Variants in ATP2B2 observed in about 807,000 individuals in gnomAD.
ATP2B2 encodes the protein ATPase plasma membrane Ca2+ transporting 2, also known as plasma membrane calcium-transporting ATPase 2.
Under a neutral mutation model 120.0 loss-of-function variants are expected in ATP2B2, and 15 were observed. The observed-to-expected ratio is 0.12, with a 90% CI of 0.08 to 0.19. ATP2B2 has a LOEUF of 0.19. ATP2B2 is among the 10% of genes least tolerant of loss of function. The pLI is 1.00. For synonymous variants in ATP2B2, 694 were observed against 700.3 expected (o/e 0.99, Z 0.14); for missense variants, 1,045 against 1,719.8 (o/e 0.61, Z 6.94).
At chr3:10,572,549 G>T (rs764158695) in intron 2 of ATP2B2, among the ~76,000 whole-genome samples, 1 of 152,206 alleles carries the variant, frequency 6.6e-6, no homozygotes, top group Non-Finnish European at 1.5e-5. Flanking sequence ...ATACCACATA[G>T]TGCCTGGCAC....
intron 12 of ATP2B2, among the ~76,000 whole-genome samples, chr3:10,368,500 T>C (rs2061131535): frequency 6.6e-6 from 1 of 152,082 alleles, no homozygotes; most frequent in African/African-American, 2.4e-5. Context: ...CACCATTCCA[T>C]TCCATCAAGC....
At chr3:10,502,619 G>A (rs1338152453) in intron 1 of ATP2B2, among the ~76,000 whole-genome samples, 1 of 152,228 alleles carries the variant, frequency 6.6e-6, no homozygotes, top group African/African-American at 2.4e-5. Context: ...GGCCTCAGAA[G>A]GCATCTGTCT....
At chr3:10,336,323 A>G in intron 22 of ATP2B2, 1 of 1,548,382 alleles carries the variant, frequency 6.5e-7, no homozygotes, top group Non-Finnish European at 8.7e-7. Context: ...AGAGAACGAG[A>G]CAAGTTGCGA....
At position 10,481,271 on chromosome 3, in the gene ATP2B2, C is replaced by G. The variant is rs80179849; in HGVS notation, c.-320+24194G>C. ...TATATCACTTGCTTCTAAAGGTAGT[C>G]CCAATGAATCCAACTGGCTGATCCT... On this transcript the variant is annotated intron_variant, in intron 1 of 22. Transcript: ENST00000360273. 1.3e-3 allele frequency among the ~76,000 whole-genome samples: 197 copies of G among 152,302 alleles called. 1 individual carries two copies. The South Asian group carries it at 0.028, about 21-fold the overall frequency.
intron 6 of ATP2B2, among the ~76,000 whole-genome samples, chr3:10,387,238 G>T (rs913469216): frequency 1.3e-5 from 2 of 152,178 alleles, no homozygotes; most frequent in Admixed American, 1.3e-4. Flanking sequence ...CCAGAACACA[G>T]CTCAGCCCCA....
intron 1 of ATP2B2, among the ~76,000 whole-genome samples, chr3:10,656,980 G>A (rs764503241): frequency 8.5e-5 from 13 of 152,218 alleles, no homozygotes; most frequent in South Asian, 2.1e-4. Context: ...TGAGGCCAGC[G>A]GCTGGCTGGA....
intron 12 of ATP2B2, among the ~76,000 whole-genome samples, chr3:10,365,181 C>G (rs1328737492): frequency 6.6e-6 from 1 of 152,238 alleles, no homozygotes; most frequent in Non-Finnish European, 1.5e-5. Flanking sequence ...CTCCCAGAAG[C>G]CTGCCTCTCT....
intron 21 of ATP2B2, chr3:10,338,793 A>T (rs958573405): frequency 3.6e-6 from 1 of 278,318 alleles, no homozygotes; most frequent in Non-Finnish European, 7.0e-6. Context: ...GGCACGGTGG[A>T]GGGTCTAACT....
chr3:10,358,859 C>T lies in ATP2B2; in HGVS notation c.1968G>A (p.Met656Ile), dbSNP rs2060814546. The change falls in exon 14 of 23, where the codon ATG (methionine) becomes ATA (isoleucine). Residue 656 changes from methionine (M) to isoleucine (I), a missense_variant. This residue lies in a region of ATP2B2 where 343 missense variants were observed against 536.8 expected (regional missense o/e 0.64). Coordinates refer to ENST00000360273, the MANE Select transcript of ATP2B2 (RefSeq NM_001001331.4). ...RVFRPRDRDE[M>I]VKKVIEPMAC... The stretch of plus-strand genomic sequence containing the variant: ...CCATGGGCTCAATCACCTTCTTTAC[C>T]ATCTCGTCCCGGTCGCGGGGCCGGA... The T allele has an allele frequency of 6.2e-7, 1 of 1,614,078 alleles. No homozygotes were observed. Among genetic ancestry groups the T allele is most frequent in the South Asian group, 1.1e-5 (1 of 91,082 alleles).
At chr3:10,442,651 A>T (rs1196620791) in intron 2 of ATP2B2, among the ~76,000 whole-genome samples, 1 of 152,118 alleles carries the variant, frequency 6.6e-6, no homozygotes, top group African/African-American at 2.4e-5. Context: ...AGCATTGCAA[A>T]TCAAATATGG....
chr3:10,385,338 G>T lies in ATP2B2; in HGVS notation c.941-11C>A, dbSNP rs765561057. On this transcript the variant is annotated splice_polypyrimidine_tract_variant and intron_variant, in intron 7 of 22. Coordinates refer to ENST00000360273, the MANE Select transcript of ATP2B2 (RefSeq NM_001001331.4). ...CCGCACCGTCTGCTGCTGCAGGGGGGTGGGAGGGATGGAAAATGCAGTGTC... is the reference window on the plus strand; with the variant it reads ...CCGCACCGTCTGCTGCTGCAGGGGGTTGGGAGGGATGGAAAATGCAGTGTC... The T allele has an allele frequency of 2.5e-6, 4 of 1,613,056 alleles. No individual in the cohort carries two copies. Among genetic ancestry groups the T allele is most frequent in the Non-Finnish European group, 3.4e-6 (4 of 1,179,676 alleles).
rs528994079 is a variant in ATP2B2, at chr3:10,428,224, T to C, written c.200-17409A>G. 8.5e-5 allele frequency among the ~76,000 whole-genome samples: 13 copies of C among 152,284 alleles called. No individual in the cohort carries two copies. The East Asian group carries it at 9.6e-4, about 11-fold the overall frequency. On this transcript the variant is annotated intron_variant, in intron 2 of 22. Transcript: ENST00000360273. ...TAGAACCCATCTCGCTGAGTTATAGTGAGGATGAGATGAGTCAGTAATGCC... is the reference window on the plus strand; with the variant it reads ...TAGAACCCATCTCGCTGAGTTATAGCGAGGATGAGATGAGTCAGTAATGCC...
Position 10,332,062 on chromosome 3 carries a change from T to G in ATP2B2, c.3421-2937A>C, listed in dbSNP as rs777154129. On this transcript the variant is annotated intron_variant, in intron 22 of 22. Coordinates refer to ENST00000360273, the MANE Select transcript of ATP2B2 (RefSeq NM_001001331.4). The stretch of plus-strand genomic sequence containing the variant: ...TCTAGGGAAACAAACACATGGAATA[T>G]TCAGACAGTGGAGAGGTCTAGGGTT... 6 of 1,547,780 alleles carry G rather than the reference T, an allele frequency of 3.9e-6. No homozygotes were observed. The African/African-American group carries it at 4.1e-5, about 11-fold the overall frequency.
chr3:10,631,967 G>C (rs766905779), intron 1 of ATP2B2, among the ~76,000 whole-genome samples: 5 of 152,204 alleles, frequency 3.3e-5, no homozygotes, highest in African/African-American at 7.2e-5. Flanking sequence ...AATGGGCTTT[G>C]AACTTAATGT....
chr3:10,574,406 A>T (rs2068196702), intron 2 of ATP2B2, among the ~76,000 whole-genome samples: 1 of 152,144 alleles, frequency 6.6e-6, no homozygotes, highest in African/African-American at 2.4e-5. Flanking sequence ...GAGCAGAATC[A>T]TCTGGTCCTC....
intron 1 of ATP2B2, among the ~76,000 whole-genome samples, chr3:10,693,568 G>A (rs553050706): frequency 8.5e-5 from 13 of 152,332 alleles, no homozygotes; most frequent in African/African-American, 2.9e-4. Context: ...AACAAATGGC[G>A]TAACAAACGC....
chr3:10,599,227 G>A (rs891324718), intron 2 of ATP2B2, among the ~76,000 whole-genome samples: 2 of 152,226 alleles, frequency 1.3e-5, no homozygotes, highest in Admixed American at 6.5e-5. Context: ...ACAAAATCTG[G>A]AGGCTGGGTG....
chr3:10,474,404 C>T (rs1309290334), intron 1 of ATP2B2, among the ~76,000 whole-genome samples: 1 of 152,116 alleles, frequency 6.6e-6, no homozygotes, highest in Non-Finnish European at 1.5e-5. Context: ...ATATGGAAAT[C>T]AGCAGCTTAA....
intron 8 of ATP2B2, among the ~76,000 whole-genome samples, chr3:10,383,998 G>T (rs527817412): frequency 6.6e-6 from 1 of 152,176 alleles, no homozygotes; most frequent in South Asian, 2.1e-4. Context: ...GTCACCCTCA[G>T]CCACCCCTCC....
Sources: gnomAD v4.1 joint callset for allele counts (sites outside exome capture counted in the v4.1 genomes callset) on GRCh38, gnomAD v4.1.1 for gene constraint, gnomAD v4.1.1 regional missense constraint, MANE v1.5 for transcripts, NCBI Gene and HGNC (gene_info 2026-07-23, HGNC 2026-07-21) for gene names.